The following DLC1 variants were observed in gnomAD, a reference collection of about 807,000 sequenced individuals.
DLC1 encodes DLC1 Rho GTPase activating protein.
In DLC1, 54 loss-of-function variants were observed where a neutral mutation model predicts 140.3. The ratio of observed to expected loss-of-function variants is 0.38; its 90% CI spans 0.31 to 0.48. The LOEUF (loss-of-function observed/expected upper bound fraction) is 0.48. Among genes scored for constraint, DLC1 ranks in the 20% least tolerant of loss-of-function variants. The pLI is 0.96. For missense variants in DLC1, 2,536 were observed against 1,907.0 expected (o/e 1.33, Z -6.14); for synonymous variants, 986 against 728.1 (o/e 1.35, Z -5.70).
chr8:13,551,686 A>G (rs1444404743), intron 1 of DLC1, among the ~76,000 whole-genome samples: 1 of 151,882 alleles, frequency 6.6e-6, no homozygotes, highest in Admixed American at 6.6e-5. Flanking sequence ...CTAGATGAAA[A>G]ACTTTTGGCA....
At chr8:13,153,640 C>G (rs1188509440) in intron 5 of DLC1, among the ~76,000 whole-genome samples, 2 of 152,058 alleles carry the variant, frequency 1.3e-5, no homozygotes, top group African/African-American at 4.8e-5. Context: ...TTTACAATCC[C>G]TGAGCTAGAC....
intron 5 of DLC1, among the ~76,000 whole-genome samples, chr8:13,251,135 C>T (rs1829986882): frequency 6.6e-6 from 1 of 152,194 alleles, no homozygotes; most frequent in South Asian, 2.1e-4. Context: ...TATGTGCACT[C>T]TCCTACTGGC....
chr8:13,578,733 T>C (rs1804935798), intron 1 of DLC1, among the ~76,000 whole-genome samples: 1 of 152,104 alleles, frequency 6.6e-6, no homozygotes, highest in African/African-American at 2.4e-5. Context: ...CAGGGCAAGG[T>C]GTGGGGGAAG....
At chr8:13,264,483 G>A (rs529687042) in intron 5 of DLC1, among the ~76,000 whole-genome samples, 19 of 152,280 alleles carry the variant, frequency 1.2e-4, no homozygotes, top group African/African-American at 4.6e-4. Flanking sequence ...ACTTTTAAAT[G>A]TGCAAAATAA....
rs1198869919 is a variant in DLC1, at chr8:13,086,583, G to C, written c.4293-120C>G. On this transcript the variant is annotated intron_variant, in intron 16 of 17. Coordinates refer to ENST00000276297, the MANE Select transcript of DLC1 (RefSeq NM_182643.3). Reference sequence around the variant, plus strand: ...GGGTCAGGCTCAGTGGCCATGCTGTGTGACCCAGGCCTAGGTAAATGGCAT... The same window carrying C: ...GGGTCAGGCTCAGTGGCCATGCTGTCTGACCCAGGCCTAGGTAAATGGCAT... 5.3e-6 allele frequency: 6 copies of C among 1,136,876 alleles called. No individual in the cohort carries two copies. In the East Asian group the frequency reaches 1.5e-4, roughly 29 times the overall value. The allele number at this position is 1,136,876 out of a possible 1,614,324, so 70.4% of individuals were successfully genotyped here. A position where few individuals can be genotyped will look rare whatever the true frequency, so the allele number is the denominator to read the frequency against.
intron 5 of DLC1, among the ~76,000 whole-genome samples, chr8:13,270,107 A>G (rs928020365): frequency 6.6e-6 from 1 of 152,122 alleles, no homozygotes; most frequent in Non-Finnish European, 1.5e-5. Context: ...ACTGCCAACT[A>G]TACCTAAATA....
chr8:13,441,418 T>G (rs559902745), intron 2 of DLC1, among the ~76,000 whole-genome samples: 2 of 152,346 alleles, frequency 1.3e-5, no homozygotes, highest in African/African-American at 4.8e-5. Context: ...GAAGTCAAAC[T>G]GTCCCTGTTT....
chr8:13,576,673 C>A (rs916230541), intron 1 of DLC1, among the ~76,000 whole-genome samples: 1 of 151,942 alleles, frequency 6.6e-6, no homozygotes, highest in African/African-American at 2.4e-5. Context: ...TGCCTATCTT[C>A]TTTTTGGGAG....
intron 4 of DLC1, among the ~76,000 whole-genome samples, chr8:13,377,046 A>G (rs577393514): frequency 3.0e-4 from 46 of 152,226 alleles, no homozygotes; most frequent in Non-Finnish European, 5.9e-4. Flanking sequence ...GTGATTTACT[A>G]GTTCTTGGTT....
At chr8:13,285,858 A>G (rs1261260405) in intron 5 of DLC1, among the ~76,000 whole-genome samples, 1 of 152,170 alleles carries the variant, frequency 6.6e-6, no homozygotes, top group African/African-American at 2.4e-5. Flanking sequence ...TAATTCTACA[A>G]AAGTCAAAGC....
rs373673735 is a variant in DLC1, at chr8:13,477,395, C to A, written c.1023+21654G>T. Among the ~76,000 whole-genome samples, 189 of 152,234 alleles carry A rather than the reference C, an allele frequency of 1.2e-3. 1 individual carries two copies. Among genetic ancestry groups the A allele is most frequent in the African/African-American group, 4.3e-3 (180 of 41,534 alleles). ...AGCCACTACTGAGAAGCAGTAAGAGCCCGTGGGAGACCAGGAGCACGGATG... is the reference window on the plus strand; with the variant it reads ...AGCCACTACTGAGAAGCAGTAAGAGACCGTGGGAGACCAGGAGCACGGATG... On this transcript the variant is annotated intron_variant, in intron 2 of 17. Transcript: ENST00000276297.
intron 5 of DLC1, chr8:13,133,580 C>T (rs966481347): frequency 7.0e-6 from 1 of 143,146 alleles, no homozygotes; most frequent in Non-Finnish European, 1.5e-5. Context: ...CCGCCGAAGG[C>T]TGGAATGTTT....
rs1375755146 is a variant in DLC1, at chr8:13,233,301, A to T, written c.1348+71968T>A. 1.9e-3 allele frequency among the ~76,000 whole-genome samples: 254 copies of T among 135,500 alleles called. 4 individuals carry two copies. The highest frequency in any genetic ancestry group is 3.6e-3 in the Middle Eastern group (1 of 274). The allele number at this position is 135,500 out of a possible 152,430, so 88.9% of individuals were successfully genotyped here. On this transcript the variant is annotated intron_variant, in intron 5 of 17. Transcript: ENST00000276297. ...TAGAATAAGACTCTGTATAAAAAAA[A>T]AAAAAAAAAAAAAAAAAAAAAAAAG...
intron 5 of DLC1, among the ~76,000 whole-genome samples, chr8:13,251,185 G>C (rs1829988791): frequency 6.6e-6 from 1 of 152,082 alleles, no homozygotes; most frequent in Non-Finnish European, 1.5e-5. Context: ...TATTGGCTTA[G>C]GGCCCCACCC....
intron 2 of DLC1, among the ~76,000 whole-genome samples, chr8:13,440,651 T>G (rs1366219421): frequency 6.6e-6 from 1 of 152,134 alleles, no homozygotes; most frequent in Non-Finnish European, 1.5e-5. Context: ...AATCTCAACT[T>G]GAATTATTTC....
At chr8:13,357,666 C>G (rs1447585233) in intron 4 of DLC1, among the ~76,000 whole-genome samples, 1 of 152,200 alleles carries the variant, frequency 6.6e-6, no homozygotes, top group Admixed American at 6.5e-5. Context: ...GTGGTGAATT[C>G]TCTTTTCATG....
intron 4 of DLC1, among the ~76,000 whole-genome samples, chr8:13,393,332 A>C (rs1362522145): frequency 6.6e-6 from 1 of 152,218 alleles, no homozygotes; most frequent in African/African-American, 2.4e-5. Context: ...GTTTCGAATA[A>C]TTCTTGATTC....
chr8:13,598,634 A>G (rs569884774), intron 1 of DLC1, among the ~76,000 whole-genome samples: 2 of 152,138 alleles, frequency 1.3e-5, no homozygotes, highest in South Asian at 4.1e-4. Flanking sequence ...ACACATTTAC[A>G]TTTGCATGCA....
rs56057254 is a variant in DLC1 at position 13,431,482 on chromosome 8, CAAAAAAAAAAAAAA to C, written c.1024-29877_1024-29864del. Among the ~76,000 whole-genome samples, 199 of 40,616 alleles carry C rather than the reference CAAAAAAAAAAAAAA, an allele frequency of 4.9e-3. 4 individuals are homozygous for C. The East Asian group carries it at 0.079, about 16-fold the overall frequency. 26.6% of individuals were successfully genotyped at this position (40,616 alleles called of 152,430 possible). The stretch of plus-strand genomic sequence containing the variant: ...TGGGCCACAGAGCGAGACTCCGTCT[CAAAAAAAAAAAAAA>C]AAAAAAAAAAAAAAAAAAAGAAAAG... On this transcript the variant is annotated intron_variant, in intron 2 of 17. Coordinates refer to ENST00000276297, the MANE Select transcript of DLC1 (RefSeq NM_182643.3).
Sources: gnomAD v4.1 joint callset for allele counts (sites outside exome capture counted in the v4.1 genomes callset) on GRCh38, gnomAD v4.1.1 for gene constraint, MANE v1.5 for transcripts, NCBI Gene and HGNC (gene_info 2026-07-23, HGNC 2026-07-21) for gene names.